RAB30: variants seen among roughly 807,000 people sequenced by gnomAD.
RAB30 encodes ras-related protein Rab-30.
A neutral mutation model predicts 25.1 loss-of-function variants in RAB30; 9 were observed. The ratio of observed to expected loss-of-function variants is 0.36; its 90% CI spans 0.22 to 0.63. RAB30 has a LOEUF of 0.63. Among genes scored for constraint, RAB30 ranks in the 20% least tolerant of loss-of-function variants. The pLI is 0.69. For missense variants in RAB30, 140 were observed against 243.5 expected, an observed-to-expected ratio of 0.58 and a Z score of 2.83; for synonymous variants, 77 against 86.4, an observed-to-expected ratio of 0.89 and a Z score of 0.60.
At chr11:83,071,546 G>A (rs995935845) in intron 1 of RAB30, 145 bp downstream of exon 1, 2 of 139,926 alleles carry the variant, frequency 1.4e-5, no homozygotes, top group African/African-American at 4.9e-5. Flanking sequence ...AAATGGCACA[G>A]AGCTTTTCCC....
At position 83,054,512 on chromosome 11, in the gene RAB30, C is replaced by T. The variant is rs550574603; in HGVS notation, c.-9+17179G>A. ...TCATTTCACAGACAAGAAAGCTGAG[C>T]CTGTCCCTGGTCATCTAGGTGGCTA... On this transcript the variant is annotated intron_variant, in intron 1 of 4. Coordinates refer to ENST00000527633, the MANE Select transcript of RAB30 (RefSeq NM_001286060.2). Among the ~76,000 whole-genome samples the T allele has an allele frequency of 2.0e-5, 3 of 152,180 alleles. 1 individual carries two copies. Among genetic ancestry groups the T allele is most frequent in the African/African-American group, 7.2e-5 (3 of 41,498 alleles).
intron 1 of RAB30, among the ~76,000 whole-genome samples, chr11:83,020,642 G>A (rs904712387): frequency 4.6e-5 from 7 of 152,198 alleles, no homozygotes; most frequent in African/African-American, 7.2e-5. Flanking sequence ...CCAGGGTGGC[G>A]ATTTGTGGTG....
chr11:83,015,891 A>C (rs972478580), intron 1 of RAB30, among the ~76,000 whole-genome samples: 11 of 152,226 alleles, frequency 7.2e-5, no homozygotes, highest in African/African-American at 2.7e-4. Flanking sequence ...TAATCTCAAC[A>C]CTTTGGGAGA....
At chr11:83,071,222 A>G (rs1858835644) in intron 1 of RAB30, 1 of 152,264 alleles carries the variant, frequency 6.6e-6, no homozygotes, top group African/African-American at 2.4e-5. Flanking sequence ...TCATCTTAAA[A>G]ATTAATAACT....
chr11:82,987,263 A>G (rs145859690), intron 4 of RAB30: 4 of 179,080 alleles, frequency 2.2e-5, no homozygotes, highest in South Asian at 1.9e-4. Context: ...TAAAAGATAC[A>G]TTTTTCTTCT....
At chr11:83,027,445 A>C (rs1857749618) in intron 1 of RAB30, among the ~76,000 whole-genome samples, 1 of 152,142 alleles carries the variant, frequency 6.6e-6, no homozygotes, top group Non-Finnish European at 1.5e-5. Flanking sequence ...TCCGAAGAAG[A>C]GTGAAAGACT....
At chr11:83,042,234 A>G (rs962983723) in intron 1 of RAB30, among the ~76,000 whole-genome samples, 2 of 152,002 alleles carry the variant, frequency 1.3e-5, no homozygotes, top group Non-Finnish European at 1.5e-5. Flanking sequence ...GATTGGAAGG[A>G]TGCTAACACC....
At chr11:83,054,848 C>G (rs929153187) in intron 1 of RAB30, among the ~76,000 whole-genome samples, 39 of 152,228 alleles carry the variant, frequency 2.6e-4, no homozygotes, top group African/African-American at 8.9e-4. Context: ...GCCTGGGCAA[C>G]AGAACAAGAC....
intron 1 of RAB30, among the ~76,000 whole-genome samples, chr11:83,007,182 G>A (rs1466301411): frequency 6.6e-6 from 1 of 152,170 alleles, no homozygotes; most frequent in Non-Finnish European, 1.5e-5. Context: ...CCAAATCAGA[G>A]CTGCTGCCAG....
chr11:82,993,421 G>A (rs1030276884), intron 3 of RAB30, among the ~76,000 whole-genome samples: 2 of 152,154 alleles, frequency 1.3e-5, no homozygotes, highest in African/African-American at 4.8e-5. Flanking sequence ...TATAACATAT[G>A]TAAAAGCACC....
intron 4 of RAB30, among the ~76,000 whole-genome samples, chr11:82,986,033 C>T (rs1856733061): frequency 6.6e-6 from 1 of 152,128 alleles, no homozygotes; most frequent in African/African-American, 2.4e-5. Context: ...GAAAAAAAAT[C>T]ATGAGTCGAT....
chr11:83,038,261 G>A (rs987624534), intron 1 of RAB30, among the ~76,000 whole-genome samples: 2 of 152,148 alleles, frequency 1.3e-5, no homozygotes, highest in East Asian at 3.8e-4. Flanking sequence ...TGAGATCAAC[G>A]TTAGCTAATT....
At chr11:83,024,058 G>C (rs1169136202) in intron 1 of RAB30, among the ~76,000 whole-genome samples, 1 of 152,168 alleles carries the variant, frequency 6.6e-6, no homozygotes, top group Non-Finnish European at 1.5e-5. Flanking sequence ...TCTTGGGGAA[G>C]GACTGGATTT....
At chr11:83,049,658 T>A (rs1790256970) in intron 1 of RAB30, among the ~76,000 whole-genome samples, 2 of 152,018 alleles carry the variant, frequency 1.3e-5, no homozygotes, top group East Asian at 1.9e-4. Flanking sequence ...ATTTTTTTTT[T>A]AATTCTTTGT....
In RAB30 at chr11:82,981,701, A is replaced by C. The variant is rs1012696160; in HGVS notation, c.*464T>G. ...AATCTCCATGGGGTCGTCAATACGC[A>C]CCACAGAGACTGTACTTGGCCTTCC... is the stretch of plus-strand genomic sequence containing the variant. On this transcript the variant is annotated 3_prime_UTR_variant, in exon 5 of 5. Coordinates refer to ENST00000527633, the MANE Select transcript of RAB30 (RefSeq NM_001286060.2). 1.9e-5 allele frequency: 3 copies of C among 156,754 alleles called. No homozygotes were observed. Among genetic ancestry groups the C allele is most frequent in the African/African-American group, 7.2e-5 (3 of 41,460 alleles). 9.7% of individuals were successfully genotyped at this position (156,754 alleles called of 1,614,324 possible). A position where few individuals can be genotyped will look rare whatever the true frequency, so the allele number is the denominator to read the frequency against.
Position 82,975,665 on chromosome 11 carries a change from C to T in RAB30, c.*6500G>A, listed in dbSNP as rs537933103. The T allele has an allele frequency of 3.3e-5, 5 of 152,238 alleles. No individual in the cohort carries two copies. The South Asian group carries it at 1.0e-3, about 32-fold the overall frequency. 9.4% of individuals were successfully genotyped at this position (152,238 alleles called of 1,614,324 possible). ...GCCAGAATAATTCTTCAGAAGCACA[C>T]TTTGTTATCAATTATGTAACTAAAG... On this transcript the variant is annotated 3_prime_UTR_variant, in exon 5 of 5. Transcript: ENST00000527633.
intron 1 of RAB30, among the ~76,000 whole-genome samples, chr11:83,033,816 A>G (rs1175456038): frequency 6.6e-6 from 1 of 152,116 alleles, no homozygotes; most frequent in Non-Finnish European, 1.5e-5. Context: ...GCATCACCCA[A>G]CCTCAAGCCC....
chr11:83,015,940 CCAG>C (rs1172478084), intron 1 of RAB30, among the ~76,000 whole-genome samples: 3 of 152,120 alleles, frequency 2.0e-5, no homozygotes, highest in African/African-American at 7.2e-5. Flanking sequence ...CAGTTTGAGA[CCAG>C]CTTGGGCAAC....
At chr11:82,992,748 C>CACACAG (rs1376898479) in intron 3 of RAB30, among the ~76,000 whole-genome samples, 2 of 150,584 alleles carry the variant, frequency 1.3e-5, no homozygotes, top group Non-Finnish European at 3.0e-5. Context: ...CACACACACA[C>CACACAG]ACACACACAC....
Sources: gnomAD v4.1 joint callset for allele counts (sites outside exome capture counted in the v4.1 genomes callset) on GRCh38, gnomAD v4.1.1 for gene constraint, MANE v1.5 for transcripts, NCBI Gene and HGNC (gene_info 2026-07-23, HGNC 2026-07-21) for gene names.